Variants in AKIRIN1 observed in about 807,000 individuals in gnomAD.
AKIRIN1 encodes the protein akirin-1.
Under a neutral mutation model 25.9 loss-of-function variants are expected in AKIRIN1, and 4 were observed. That is an observed-to-expected ratio of 0.15 (90% CI 0.08 to 0.35). The LOEUF (loss-of-function observed/expected upper bound fraction) is 0.35. Among genes scored for constraint, AKIRIN1 ranks in the 10% least tolerant of loss-of-function variants. The probability of loss-of-function intolerance (pLI) is 1.00; values close to 1 mark genes in which losing one functional copy is unlikely to be tolerated. For missense variants in AKIRIN1, 243 were observed against 266.1 expected, an observed-to-expected ratio of 0.91 and a Z score of 0.61; for synonymous variants, 125 against 105.1, an observed-to-expected ratio of 1.19 and a Z score of -1.16.
chr1:38,996,164 G>C (rs139524252), intron 1 of AKIRIN1, among the ~76,000 whole-genome samples: 2,551 of 151,552 alleles, frequency 0.017, 68 homozygotes, highest in African/African-American at 0.057. Flanking sequence ...GGGTGATCTC[G>C]GCTCACTGCA....
chr1:38,991,922 G>A (rs894736334), intron 1 of AKIRIN1, among the ~76,000 whole-genome samples: 1 of 151,858 alleles, frequency 6.6e-6, no homozygotes, highest in African/African-American at 2.4e-5. Flanking sequence ...TCCGCTGGCC[G>A]GGTCTGCACC....
chr1:38,999,892 T>G (rs1450844623), intron 2 of AKIRIN1, among the ~76,000 whole-genome samples: 1 of 152,042 alleles, frequency 6.6e-6, no homozygotes, highest in Non-Finnish European at 1.5e-5. Context: ...TTTTTTGTTT[T>G]TTTGGGTTTT....
At chr1:38,993,445 G>A (rs1308162506) in intron 1 of AKIRIN1, among the ~76,000 whole-genome samples, 1 of 151,638 alleles carries the variant, frequency 6.6e-6, no homozygotes, top group Non-Finnish European at 1.5e-5. Context: ...GCGACAGAGC[G>A]AGACTCCATC....
At chr1:38,995,944 G>A (rs1046561347) in intron 1 of AKIRIN1, among the ~76,000 whole-genome samples, 9 of 152,154 alleles carry the variant, frequency 5.9e-5, no homozygotes, top group Non-Finnish European at 1.2e-4. Flanking sequence ...TGAGGCAGGA[G>A]AATTGCTTGA....
chr1:38,993,193 A>C (rs1643922157), intron 1 of AKIRIN1, among the ~76,000 whole-genome samples: 1 of 152,236 alleles, frequency 6.6e-6, no homozygotes, highest in Non-Finnish European at 1.5e-5. Context: ...TAAATGTTTT[A>C]TTCAATACTA....
At chr1:39,000,781 C>T (rs1272299620) in intron 2 of AKIRIN1, among the ~76,000 whole-genome samples, 191 bp from the exon 3 acceptor site, 2 of 151,938 alleles carry the variant, frequency 1.3e-5, no homozygotes, top group Non-Finnish European at 2.9e-5. Flanking sequence ...CTCAGCCTCC[C>T]GAGTAGCTGG....
chr1:39,001,575 T>G (rs1293114623), intron 3 of AKIRIN1, among the ~76,000 whole-genome samples: 1 of 152,038 alleles, frequency 6.6e-6, no homozygotes, highest in Non-Finnish European at 1.5e-5. Flanking sequence ...CAAGACTTTG[T>G]TTTTTAAATA....
At chr1:38,998,855 C>A (rs1036376817) in intron 2 of AKIRIN1, among the ~76,000 whole-genome samples, 2 of 150,528 alleles carry the variant, frequency 1.3e-5, no homozygotes, top group African/African-American at 4.9e-5. Context: ...GCCTGGGTGA[C>A]AGAGTGAGTC....
Position 39,003,380 on chromosome 1 carries a change from A to G in AKIRIN1, c.530A>G (p.Asp177Gly). The change falls in exon 4 of 5, where the codon GAT (aspartate) becomes GGT (glycine). Residue 177 changes from aspartate (D) to glycine (G), a missense_variant. Asp to Gly is a moderately conservative substitution (Grantham distance 94). Transcript: ENST00000432648. ...QYESFVKFTH[D>G]QIMRRYGTRP... Reference sequence around the variant, plus strand: ...GAATCTTTTGTGAAATTCACACATGATCAGATTATGCGACGGTATGGGACA... The same window carrying G: ...GAATCTTTTGTGAAATTCACACATGGTCAGATTATGCGACGGTATGGGACA... The G allele has an allele frequency of 6.2e-7, 1 of 1,613,836 alleles. No individual in the cohort carries two copies. The highest frequency in any genetic ancestry group is 8.5e-7 in the Non-Finnish European group (1 of 1,179,958).
chr1:38,999,253 G>T (rs1643970567), intron 2 of AKIRIN1, among the ~76,000 whole-genome samples: 1 of 152,196 alleles, frequency 6.6e-6, no homozygotes, highest in South Asian at 2.1e-4. Flanking sequence ...AAGGTTAAAA[G>T]TTACCTTGGT....
In AKIRIN1 at chr1:39,005,506, CATTT is replaced by C. The variant is rs1192064223; in HGVS notation, c.*1456_*1459del. The C allele has an allele frequency of 1.3e-5, 2 of 152,114 alleles. No homozygotes were observed. Among genetic ancestry groups the C allele is most frequent in the Non-Finnish European group, 2.9e-5 (2 of 68,028 alleles). 9.4% of individuals were successfully genotyped at this position (152,114 alleles called of 1,614,324 possible). A position where few individuals can be genotyped will look rare whatever the true frequency, so the allele number is the denominator to read the frequency against. On this transcript the variant is annotated 3_prime_UTR_variant, in exon 5 of 5. Transcript: ENST00000432648. ...TTTGAGGAGGTGGAAGTTAAGTATACATTTATTTTTTACTGTGACTTGTTCAGGA... is the reference window on the plus strand; with the variant it reads ...TTTGAGGAGGTGGAAGTTAAGTATACATTTTTTACTGTGACTTGTTCAGGA...
chr1:38,993,864 A>AC (rs1170956732), intron 1 of AKIRIN1, among the ~76,000 whole-genome samples: 1 of 152,036 alleles, frequency 6.6e-6, no homozygotes, highest in Non-Finnish European at 1.5e-5. Flanking sequence ...TGAGGTCGGG[A>AC]GTTCAAGACC....
chr1:39,003,059 C>CT (rs1644006622), intron 3 of AKIRIN1, among the ~76,000 whole-genome samples: 1 of 152,148 alleles, frequency 6.6e-6, no homozygotes, highest in Admixed American at 6.6e-5. Flanking sequence ...TGGTAGTGAG[C>CT]TATTAATAGG....
intron 1 of AKIRIN1, among the ~76,000 whole-genome samples, chr1:38,997,525 A>G (rs1488845757): frequency 1.3e-5 from 2 of 150,782 alleles, no homozygotes; most frequent in African/African-American, 2.4e-5. Context: ...TAAATCACCC[A>G]GGCTCCCTTG....
intron 2 of AKIRIN1, among the ~76,000 whole-genome samples, chr1:39,000,740 G>T (rs1004007809): frequency 6.6e-6 from 1 of 151,022 alleles, no homozygotes; most frequent in South Asian, 2.1e-4. Context: ...CACTGCAACC[G>T]CCACCTCTCG....
At chr1:38,997,398 C>G (rs1041767911) in intron 1 of AKIRIN1, among the ~76,000 whole-genome samples, 1 of 152,230 alleles carries the variant, frequency 6.6e-6, no homozygotes, top group East Asian at 1.9e-4. Flanking sequence ...TTTCTAAGCC[C>G]TGACCATCAC....
chr1:38,991,747 C>T (rs969022188), intron 1 of AKIRIN1, 147 bp downstream of exon 1: 6 of 978,222 alleles, frequency 6.1e-6, no homozygotes, highest in Non-Finnish European at 8.0e-6. Context: ...GCCGCTGGGC[C>T]TGGTTGCTTC....
rs1379242909 is a variant in AKIRIN1 at position 39,003,767 on chromosome 1, A to T, written c.569-278A>T. ...GAAAGATAGTTTCAGTTGTTAATTT[A>T]TGAAAGTTGATTCCTTAAGTTAGTT... On this transcript the variant is annotated intron_variant, in intron 4 of 4. Coordinates refer to ENST00000432648, the MANE Select transcript of AKIRIN1 (RefSeq NM_024595.3). 2.6e-5 allele frequency among the ~76,000 whole-genome samples: 4 copies of T among 152,374 alleles called. No homozygotes were observed. In the East Asian group the frequency reaches 5.8e-4, roughly 22 times the overall value.
intron 2 of AKIRIN1, 106 bp from the exon 3 acceptor site, chr1:39,000,866 G>T (rs1643985879): frequency 7.9e-7 from 1 of 1,264,798 alleles, no homozygotes; most frequent in Non-Finnish European, 1.1e-6. Context: ...ACGTTGTCAG[G>T]CTGGTCTCCA....
Sources: allele counts gnomAD v4.1 joint callset (sites outside exome capture counted in the v4.1 genomes callset), GRCh38; gene constraint gnomAD v4.1.1; transcripts MANE v1.5; gene names NCBI Gene and HGNC (gene_info 2026-07-23, HGNC 2026-07-21).